PTPRD: variants seen among roughly 807,000 people sequenced by gnomAD.
PTPRD encodes the protein receptor-type tyrosine-protein phosphatase delta.
A neutral mutation model predicts 214.5 loss-of-function variants in PTPRD; 34 were observed. That is an observed-to-expected ratio of 0.16 (90% CI 0.12 to 0.21). The LOEUF (loss-of-function observed/expected upper bound fraction) is 0.21. PTPRD is among the 10% of genes least tolerant of loss of function. PTPRD has a pLI of 1.00. For synonymous variants in PTPRD, 1,128 were observed against 845.7 expected, an observed-to-expected ratio of 1.33 and a Z score of -5.79; for missense variants, 2,545 against 2,398.7, an observed-to-expected ratio of 1.06 and a Z score of -1.27.
chr9:9,348,178 G>A (rs919290245), intron 9 of PTPRD, among the ~76,000 whole-genome samples: 2 of 152,136 alleles, frequency 1.3e-5, no homozygotes, highest in African/African-American at 4.8e-5. Flanking sequence ...TAGAAAAGAA[G>A]CAAGAATGTT....
At chr9:9,039,619 A>G (rs1385880565) in intron 10 of PTPRD, among the ~76,000 whole-genome samples, 1 of 152,174 alleles carries the variant, frequency 6.6e-6, no homozygotes, top group Non-Finnish European at 1.5e-5. Flanking sequence ...CTGGTCTATA[A>G]AGCCAAAAAT....
intron 9 of PTPRD, among the ~76,000 whole-genome samples, chr9:9,340,610 C>G (rs2046400794): frequency 6.6e-6 from 1 of 152,088 alleles, no homozygotes; most frequent in African/African-American, 2.4e-5. Flanking sequence ...TGAGTTAATA[C>G]AGAGTACGGA....
chr9:10,018,880 T>A (rs1049176551), intron 4 of PTPRD, among the ~76,000 whole-genome samples: 1 of 152,140 alleles, frequency 6.6e-6, no homozygotes, highest in Non-Finnish European at 1.5e-5. Flanking sequence ...ACATTGTTAA[T>A]ATGCACAATA....
chr9:9,010,649 T>C (rs1420840486), intron 11 of PTPRD, among the ~76,000 whole-genome samples: 8 of 148,910 alleles, frequency 5.4e-5, no homozygotes, highest in Admixed American at 2.7e-4. Flanking sequence ...TGGGTTCTGA[T>C]AACCTTATCA....
intron 9 of PTPRD, among the ~76,000 whole-genome samples, chr9:9,367,607 G>A (rs2058231319): frequency 6.6e-6 from 1 of 151,286 alleles, no homozygotes; most frequent in South Asian, 2.1e-4. Context: ...TGGAAGTTTG[G>A]CATTAAAAAA....
At chr9:8,803,349 A>G (rs2096609501) in intron 11 of PTPRD, among the ~76,000 whole-genome samples, 1 of 152,182 alleles carries the variant, frequency 6.6e-6, no homozygotes, top group Non-Finnish European at 1.5e-5. Flanking sequence ...GAGGAAATAA[A>G]TAACTATGAT....
intron 11 of PTPRD, among the ~76,000 whole-genome samples, chr9:8,830,796 C>A (rs1434256): frequency 6.6e-6 from 1 of 151,878 alleles, no homozygotes; most frequent in African/African-American, 2.4e-5. Flanking sequence ...AAAGGGCATA[C>A]GTGATGGTGA....
At chr9:10,438,598 G>C (rs2098738016) in intron 2 of PTPRD, among the ~76,000 whole-genome samples, 2 of 151,330 alleles carry the variant, frequency 1.3e-5, no homozygotes, top group Admixed American at 1.3e-4. Flanking sequence ...AATAATTATT[G>C]TTTTTGTTTT....
intron 3 of PTPRD, among the ~76,000 whole-genome samples, chr9:10,300,136 C>T (rs2095815591): frequency 6.6e-6 from 1 of 152,084 alleles, no homozygotes; most frequent in Admixed American, 6.6e-5. Flanking sequence ...GTTTGATAAA[C>T]ATAAGTAGTA....
intron 3 of PTPRD, among the ~76,000 whole-genome samples, chr9:10,222,795 A>G (rs1464794996): frequency 6.6e-6 from 1 of 152,048 alleles, no homozygotes; most frequent in Non-Finnish European, 1.5e-5. Flanking sequence ...GTGATCTGAA[A>G]TGACAATAAA....
intron 23 of PTPRD, among the ~76,000 whole-genome samples, chr9:8,502,188 G>C (rs2097424960): frequency 6.6e-6 from 1 of 151,936 alleles, no homozygotes; most frequent in Admixed American, 6.6e-5. Flanking sequence ...ATAAAAGACA[G>C]CACAATTACT....
intron 4 of PTPRD, among the ~76,000 whole-genome samples, chr9:9,975,439 C>T (rs2095316394): frequency 1.3e-5 from 2 of 152,278 alleles, no homozygotes; most frequent in Admixed American, 6.5e-5. Context: ...ATGCGTTAAG[C>T]GATTTTGCTG....
intron 11 of PTPRD, among the ~76,000 whole-genome samples, chr9:8,934,480 T>TATATATATATATAAATATATATATAA (rs1167147856): frequency 2.5e-4 from 2 of 8,084 alleles, no homozygotes; most frequent in African/African-American, 7.6e-4. Context: ...TATATATAAA[T>TATATATATATATAAATATATATATAA]ATATATATAT....
intron 7 of PTPRD, among the ~76,000 whole-genome samples, chr9:9,641,082 C>T (rs1305054816): frequency 1.1e-5 from 1 of 90,868 alleles, no homozygotes; most frequent in Non-Finnish European, 3.2e-5. Flanking sequence ...ATAATGAAAG[C>T]TATAGCTTTA....
chr9:8,911,415 T>TGTTGTGTGTGTGTGTGTGTG (rs1555510111), intron 11 of PTPRD, among the ~76,000 whole-genome samples: 22 of 127,716 alleles, frequency 1.7e-4, no homozygotes, highest in South Asian at 1.0e-3. Flanking sequence ...TGTGTGTGTG[T>TGTTGTGTGTGTGTGTGTGTG]TGTGTGTGTG....
intron 2 of PTPRD, among the ~76,000 whole-genome samples, chr9:10,467,966 A>C (rs1381451864): frequency 3.9e-5 from 6 of 152,230 alleles, no homozygotes; most frequent in Non-Finnish European, 1.5e-5. Flanking sequence ...ATCTGATGCC[A>C]GTTAGAATGG....
At chr9:9,842,186 GC>G (rs1452283638) in intron 5 of PTPRD, among the ~76,000 whole-genome samples, 2 of 151,356 alleles carry the variant, frequency 1.3e-5, no homozygotes, top group East Asian at 1.9e-4. Context: ...CTTTTACAAG[GC>G]TTTTCAAGTC....
chr9:10,344,041 C>T (rs1441460646), intron 2 of PTPRD, among the ~76,000 whole-genome samples: 4 of 127,676 alleles, frequency 3.1e-5, no homozygotes, highest in Non-Finnish European at 6.4e-5. Flanking sequence ...AATTAGATCC[C>T]ATTTGTCTAT....
chr9:9,829,264 T>A (rs182689273), intron 5 of PTPRD, among the ~76,000 whole-genome samples: 251 of 151,970 alleles, frequency 1.7e-3, no homozygotes, highest in African/African-American at 5.9e-3. Context: ...GTCTTCTGAA[T>A]GTTTACAGAT....
Sources: allele counts gnomAD v4.1 joint callset (sites outside exome capture counted in the v4.1 genomes callset), GRCh38; gene constraint gnomAD v4.1.1; transcripts MANE v1.5; gene names NCBI Gene and HGNC (gene_info 2026-07-23, HGNC 2026-07-21).